The following PRMT2 variants were observed in gnomAD, a reference collection of about 807,000 sequenced individuals.
The protein encoded by PRMT2 is protein arginine N-methyltransferase 2.
Under a neutral mutation model 57.6 loss-of-function variants are expected in PRMT2, and 26 were observed. That is an observed-to-expected ratio of 0.45 (90% CI 0.33 to 0.63). The LOEUF (loss-of-function observed/expected upper bound fraction) is 0.63. Ranked by LOEUF, PRMT2 falls within the 20% of genes least tolerant of loss-of-function variation. PRMT2 has a pLI of 0.02. For synonymous variants in PRMT2, 219 were observed against 220.0 expected, an observed-to-expected ratio of 1.00 and a Z score of 0.04; for missense variants, 472 against 564.4, an observed-to-expected ratio of 0.84 and a Z score of 1.66.
intron 7 of PRMT2, chr21:46,654,229 ACAACAG>A: frequency 4.6e-6 from 3 of 654,800 alleles, no homozygotes; most frequent in Non-Finnish European, 5.7e-6. Flanking sequence ...AAAATTGGAA[ACAACAG>A]AATTGTAGCA....
intron 11 of PRMT2, 32 bp from the exon 12 acceptor site, chr21:46,664,263 C>A: frequency 6.7e-7 from 1 of 1,483,918 alleles, no homozygotes; most frequent in Non-Finnish European, 9.4e-7. Context: ...GATTTATCAT[C>A]TGATTGACCT....
intron 8 of PRMT2, chr21:46,659,816 G>T: frequency 7.1e-6 from 7 of 985,434 alleles, no homozygotes; most frequent in Non-Finnish European, 8.4e-6. Flanking sequence ...TATCCATCTG[G>T]TGGAGCACTG....
At chr21:46,653,654 A>T (rs1601943129) in intron 7 of PRMT2, 2 of 1,240,678 alleles carry the variant, frequency 1.6e-6, no homozygotes, top group Non-Finnish European at 1.0e-6. Flanking sequence ...TTTTGGTTGC[A>T]TTCCCTGGAG....
At chr21:46,659,825 T>C (rs1394986708) in intron 8 of PRMT2, 1 of 985,354 alleles carries the variant, frequency 1.0e-6, no homozygotes, top group Admixed American at 6.1e-5. Context: ...GGTGGAGCAC[T>C]GCTGTGTGTC....
chr21:46,652,591 G>A (rs977107318), intron 7 of PRMT2: 21 of 985,402 alleles, frequency 2.1e-5, no homozygotes, highest in Non-Finnish European at 2.5e-5. Context: ...TGATGCTCCC[G>A]ATGCTGAGGT....
chr21:46,649,836 G>T lies in PRMT2; in HGVS notation c.654+97G>T, dbSNP rs1273205058. 1 of 1,534,854 alleles carries T rather than the reference G, an allele frequency of 6.5e-7. No individual in the cohort carries two copies. Among genetic ancestry groups the T allele is most frequent in the African/African-American group, 1.4e-5 (1 of 72,750 alleles). On this transcript the variant is annotated intron_variant, in intron 7 of 11. Transcript: ENST00000355680. The surrounding 1 kb of genome is among the most constrained non-coding windows in gnomAD (Gnocchi z 4.8). ...CCTCAGGATCTCAAGGGTCGTGCGTGATTCATTTTGATGTTTTCCCTAATG... is the reference window on the plus strand; with the variant it reads ...CCTCAGGATCTCAAGGGTCGTGCGTTATTCATTTTGATGTTTTCCCTAATG...
At chr21:46,655,030 C>T (rs1386610943) in intron 7 of PRMT2, 16 of 461,104 alleles carry the variant, frequency 3.5e-5, no homozygotes, top group African/African-American at 4.3e-5. Flanking sequence ...AAATAGATAA[C>T]CTGAATGGTC....
chr21:46,647,810 C>T (rs1487085347), intron 5 of PRMT2, among the ~76,000 whole-genome samples: 5 of 152,226 alleles, frequency 3.3e-5, no homozygotes, highest in Non-Finnish European at 5.9e-5. Flanking sequence ...CAGTTCCCTT[C>T]GCGTTGATGT....
At chr21:46,637,568 C>T (rs568037299) in intron 3 of PRMT2, among the ~76,000 whole-genome samples, 1 of 152,050 alleles carries the variant, frequency 6.6e-6, no homozygotes, top group East Asian at 1.9e-4. Flanking sequence ...TTTCATTTGG[C>T]TTTTTATATA....
chr21:46,652,880 G>C, intron 7 of PRMT2: 1 of 1,302,438 alleles, frequency 7.7e-7, no homozygotes, highest in Non-Finnish European at 1.0e-6. Flanking sequence ...CTGAGGCCAC[G>C]CCACGATTTC....
intron 7 of PRMT2, among the ~76,000 whole-genome samples, chr21:46,656,392 A>G (rs1341081696): frequency 6.6e-6 from 1 of 152,244 alleles, no homozygotes; most frequent in Non-Finnish European, 1.5e-5. Flanking sequence ...AGAGAACTAG[A>G]GTAGCTGATA....
At chr21:46,643,995 C>T (rs142100626) in intron 4 of PRMT2, among the ~76,000 whole-genome samples, 12 of 152,300 alleles carry the variant, frequency 7.9e-5, no homozygotes, top group African/African-American at 2.2e-4. Flanking sequence ...AGTCAGCCTC[C>T]AGTAACTCAG....
At chr21:46,663,112 T>C (rs1274244578) in intron 10 of PRMT2, among the ~76,000 whole-genome samples, 1 of 152,188 alleles carries the variant, frequency 6.6e-6, no homozygotes, top group Non-Finnish European at 1.5e-5. Context: ...AGCAAGCTTG[T>C]GTTTGGCATT....
chr21:46,648,543 A>G lies in PRMT2; in HGVS notation c.413A>G (p.Asp138Gly). The change falls in exon 6 of 12, where the codon GAT (aspartate) becomes GGT (glycine). Residue 138 changes from aspartate to glycine, a missense_variant. Transcript: ENST00000355680. This position sits in a 1 kb window ranked among gnomAD's most constrained non-coding sequence, Gnocchi z 4.8. ...VILQNKESLT[D>G]KVILDVGCGT... ...CTGCAGAATAAAGAATCCCTGACGG[A>G]TAAAGTCATCCTGGACGTGGGCTGT... 4.3e-6 allele frequency: 7 copies of G among 1,614,266 alleles called. No homozygotes were observed. Among genetic ancestry groups the G allele is most frequent in the Non-Finnish European group, 5.9e-6 (7 of 1,180,052 alleles).
intron 3 of PRMT2, among the ~76,000 whole-genome samples, chr21:46,642,921 G>A (rs1388094041): frequency 6.6e-6 from 1 of 152,146 alleles, no homozygotes; most frequent in African/African-American, 2.4e-5. Context: ...CTACTTGGGA[G>A]GCTGAGGCAT....
At chr21:46,650,045 C>G (rs2061426203) in intron 7 of PRMT2, among the ~76,000 whole-genome samples, 1 of 152,188 alleles carries the variant, frequency 6.6e-6, no homozygotes, top group Admixed American at 6.5e-5. Flanking sequence ...AAGGCTGTTT[C>G]TTTAATGCCA....
At position 46,643,475 on chromosome 21, in the gene PRMT2, C is replaced by CAAAA. The variant is rs34541039; in HGVS notation, c.40-46_40-43dup. On this transcript the variant is annotated intron_variant, in intron 3 of 11. Coordinates refer to ENST00000355680, the MANE Select transcript of PRMT2 (RefSeq NM_206962.4). ...TTTGAAACCATCCTAATAATATAGC[C>CAAAA]AAAAAAAAAAAAAAAAAGCTCCAGC... The CAAAA allele has an allele frequency of 1.3e-3, 1,540 of 1,230,344 alleles. 7 individuals are homozygous for CAAAA. Among genetic ancestry groups the CAAAA allele is most frequent in the East Asian group, 7.7e-3 (224 of 28,906 alleles). 76.2% of individuals were successfully genotyped at this position (1,230,344 alleles called of 1,614,324 possible).
chr21:46,664,665 C>T lies in PRMT2; in HGVS notation c.*338C>T, dbSNP rs1252642401. On this transcript the variant is annotated 3_prime_UTR_variant, in exon 12 of 12. Coordinates refer to ENST00000355680, the MANE Select transcript of PRMT2 (RefSeq NM_206962.4). Reference sequence around the variant, plus strand: ...TAGGTCTAGGTCTACACTCCTAGGACGCACGCATATCAGCCCGTGTACCCT... The same window carrying T: ...TAGGTCTAGGTCTACACTCCTAGGATGCACGCATATCAGCCCGTGTACCCT... The T allele has an allele frequency of 2.1e-5, 8 of 383,538 alleles. No individual in the cohort carries two copies. The highest frequency in any genetic ancestry group is 1.2e-4 in the Admixed American group (3 of 26,030). The allele number at this position is 383,538 out of a possible 1,614,324, so 23.8% of individuals were successfully genotyped here. A position where few individuals can be genotyped will look rare whatever the true frequency, so the allele number is the denominator to read the frequency against.
Position 46,658,874 on chromosome 21 carries a change from G to A in PRMT2, c.784G>A (p.Val262Met). 4 of 1,614,208 alleles carry A rather than the reference G, an allele frequency of 2.5e-6. No individual in the cohort carries two copies. Among genetic ancestry groups the A allele is most frequent in the Non-Finnish European group, 3.4e-6 (4 of 1,180,046 alleles). Residue 262 changes from valine (V) to methionine (M), a missense_variant, in exon 8 of 12, where the codon GTG becomes ATG. Transcript: ENST00000355680. ...TGCTGATAAGGATTATCGTAGCAAG[G>A]TGCTCTTCTGGGACAACGCGTACGA... ...CSADKDYRSK[V>M]LFWDNAYEFN... is the part of the protein sequence containing the mutation.
Sources: gnomAD v4.1 joint callset for allele counts (sites outside exome capture counted in the v4.1 genomes callset) on GRCh38, gnomAD v4.1.1 for gene constraint, Gnocchi (gnomAD v3.1) non-coding constraint, MANE v1.5 for transcripts, NCBI Gene and HGNC (gene_info 2026-07-23, HGNC 2026-07-21) for gene names.